ATP1B3: variants seen among roughly 807,000 people sequenced by gnomAD.
The protein encoded by ATP1B3 is ATPase Na+/K+ transporting subunit beta 3.
A neutral mutation model predicts 30.2 loss-of-function variants in ATP1B3; 10 were observed. The observed-to-expected ratio is 0.33, with a 90% CI of 0.20 to 0.56. The LOEUF (loss-of-function observed/expected upper bound fraction) is 0.56. ATP1B3 is among the 20% of genes least tolerant of loss of function. The probability of loss-of-function intolerance (pLI) is 0.90; values close to 1 mark genes in which losing one functional copy is unlikely to be tolerated. For synonymous variants in ATP1B3, 113 were observed against 117.0 expected (o/e 0.97, Z 0.22); for missense variants, 238 against 336.7 (o/e 0.71, Z 2.29).
chr3:141,890,863 G>A (rs1394732351), intron 1 of ATP1B3, among the ~76,000 whole-genome samples: 1 of 152,200 alleles, frequency 6.6e-6, no homozygotes, highest in Non-Finnish European at 1.5e-5. Context: ...GTGAGTCACG[G>A]CCCCCAGTCT....
At chr3:141,897,420 A>G (rs776728160) in intron 1 of ATP1B3, among the ~76,000 whole-genome samples, 6 of 152,180 alleles carry the variant, frequency 3.9e-5, no homozygotes, top group Admixed American at 6.5e-5. Flanking sequence ...GTGAATTTCT[A>G]TCACCCTGAG....
intron 1 of ATP1B3, among the ~76,000 whole-genome samples, chr3:141,884,490 G>C (rs1933793296): frequency 6.6e-6 from 1 of 152,148 alleles, no homozygotes; most frequent in Non-Finnish European, 1.5e-5. Context: ...AACTTGATTG[G>C]GTTGAAGGAT....
In ATP1B3 at chr3:141,890,522, C is replaced by G. The variant is rs558318119; in HGVS notation, c.110-13098C>G. Reference sequence around the variant, plus strand: ...TTCACCATGTTGGCCAGGCTGGTCTCGAACTCTTGACCTCAAGTGATCTGC... The same window carrying G: ...TTCACCATGTTGGCCAGGCTGGTCTGGAACTCTTGACCTCAAGTGATCTGC... On this transcript the variant is annotated intron_variant, in intron 1 of 6. Coordinates refer to ENST00000286371, the MANE Select transcript of ATP1B3 (RefSeq NM_001679.4). Among the ~76,000 whole-genome samples, 46 of 151,958 alleles carry G rather than the reference C, an allele frequency of 3.0e-4. No individual in the cohort carries two copies. In the South Asian group the frequency reaches 9.4e-3, roughly 31 times the overall value.
At chr3:141,905,562 CTAA>C (rs775038349) in intron 2 of ATP1B3, among the ~76,000 whole-genome samples, 149 of 152,202 alleles carry the variant, frequency 9.8e-4, no homozygotes, top group South Asian at 2.1e-3. Flanking sequence ...CAATTTTTTT[CTAA>C]TGATTTCTTT....
At chr3:141,890,092 T>TC (rs10686807) in intron 1 of ATP1B3, among the ~76,000 whole-genome samples, 14,836 of 132,750 alleles carry the variant, frequency 0.11, 1,178 homozygotes, top group East Asian at 0.38. Flanking sequence ...TTTTCTTTTT[T>TC]TTTTTTTTTT....
At chr3:141,887,496 C>T (rs569089774) in intron 1 of ATP1B3, among the ~76,000 whole-genome samples, 2 of 152,208 alleles carry the variant, frequency 1.3e-5, no homozygotes, top group Admixed American at 6.5e-5. Flanking sequence ...CATAAAGGTC[C>T]GGCAGTGTCT....
At chr3:141,883,626 T>C (rs1012770624) in intron 1 of ATP1B3, among the ~76,000 whole-genome samples, 1 of 152,246 alleles carries the variant, frequency 6.6e-6, no homozygotes, top group Non-Finnish European at 1.5e-5. Context: ...CTTATTCTTG[T>C]CTTATTCCTC....
chr3:141,915,424 A>G (rs1353088709), intron 4 of ATP1B3, among the ~76,000 whole-genome samples: 1 of 152,224 alleles, frequency 6.6e-6, no homozygotes, highest in Non-Finnish European at 1.5e-5. Context: ...ATGTATAAAT[A>G]TGTGAGTTTA....
chr3:141,923,945 T>C (rs775244176), intron 6 of ATP1B3, among the ~76,000 whole-genome samples: 2 of 152,242 alleles, frequency 1.3e-5, no homozygotes, highest in Non-Finnish European at 2.9e-5. Context: ...ATTCCGTTAA[T>C]GGTGATACTG....
chr3:141,911,555 C>CT, intron 3 of ATP1B3, among the ~76,000 whole-genome samples: 1 of 149,286 alleles, frequency 6.7e-6, no homozygotes, highest in East Asian at 2.0e-4. Flanking sequence ...AGTACAATGG[C>CT]TTGTTCTCAG....
intron 1 of ATP1B3, among the ~76,000 whole-genome samples, chr3:141,891,365 T>G (rs985842323): frequency 1.3e-5 from 2 of 152,184 alleles, no homozygotes; most frequent in Non-Finnish European, 2.9e-5. Context: ...AAAGAATAGT[T>G]TATGTATAGA....
chr3:141,876,786 C>A lies in ATP1B3; in HGVS notation c.-16C>A. 6.3e-7 allele frequency: 1 copy of A among 1,585,978 alleles called. No homozygotes were observed. On this transcript the variant is annotated 5_prime_UTR_variant, in exon 1 of 7. Coordinates refer to ENST00000286371, the MANE Select transcript of ATP1B3 (RefSeq NM_001679.4). ...TCCCCGCGGCCGCAGCTCCTCTCGCCGTCCGCGCGCACACCATGACGAAGA... is the reference window on the plus strand; with the variant it reads ...TCCCCGCGGCCGCAGCTCCTCTCGCAGTCCGCGCGCACACCATGACGAAGA...
intron 3 of ATP1B3, among the ~76,000 whole-genome samples, chr3:141,907,598 G>A (rs974299922): frequency 2.6e-5 from 4 of 151,426 alleles, no homozygotes; most frequent in Admixed American, 6.6e-5. Flanking sequence ...CCAAGTTTGC[G>A]CCATTGCACT....
At chr3:141,911,971 C>A (rs1292956691) in intron 3 of ATP1B3, among the ~76,000 whole-genome samples, 1 of 152,190 alleles carries the variant, frequency 6.6e-6, no homozygotes, top group Non-Finnish European at 1.5e-5. Flanking sequence ...AGCAAGGTCA[C>A]TGATGAACTG....
At chr3:141,888,756 T>G (rs1250056705) in intron 1 of ATP1B3, among the ~76,000 whole-genome samples, 4 of 152,058 alleles carry the variant, frequency 2.6e-5, no homozygotes, top group Non-Finnish European at 4.4e-5. Context: ...AGTGAGTAAG[T>G]CTCATGAGAT....
chr3:141,904,533 TTAAA>T (rs1419667925), intron 2 of ATP1B3, among the ~76,000 whole-genome samples: 2 of 151,990 alleles, frequency 1.3e-5, no homozygotes, highest in African/African-American at 2.4e-5. Context: ...TGGTAAGTTG[TTAAA>T]TAATGATACC....
intron 2 of ATP1B3, 126 bp downstream of exon 2, chr3:141,903,874 C>T (rs1215801649): frequency 2.6e-5 from 29 of 1,120,172 alleles, no homozygotes; most frequent in Non-Finnish European, 3.3e-5. Context: ...CTCTGCCTCC[C>T]AGGTTCAAGC....
chr3:141,887,310 G>A (rs931094196), intron 1 of ATP1B3, among the ~76,000 whole-genome samples: 1 of 152,172 alleles, frequency 6.6e-6, no homozygotes, highest in African/African-American at 2.4e-5. Flanking sequence ...AATCTGAACT[G>A]GTCTTAAATG....
At chr3:141,900,133 A>G (rs1934134778) in intron 1 of ATP1B3, among the ~76,000 whole-genome samples, 1 of 152,064 alleles carries the variant, frequency 6.6e-6, no homozygotes, top group Non-Finnish European at 1.5e-5. Context: ...TATTATGCTA[A>G]TGAAGTGACT....
Sources: allele counts gnomAD v4.1 joint callset (sites outside exome capture counted in the v4.1 genomes callset), GRCh38; gene constraint gnomAD v4.1.1; transcripts MANE v1.5; gene names NCBI Gene and HGNC (gene_info 2026-07-23, HGNC 2026-07-21).